CSMD1: variants seen among roughly 807,000 people sequenced by gnomAD.
CSMD1 encodes the protein CUB and Sushi multiple domains 1.
CSMD1 carries 213 observed loss-of-function variants against 417.5 expected under a neutral mutation model. The observed-to-expected ratio is 0.51, with a 90% CI of 0.46 to 0.57. The LOEUF is 0.57. Among genes scored for constraint, CSMD1 ranks in the 20% least tolerant of loss-of-function variants. The pLI, the probability that CSMD1 is intolerant of heterozygous loss-of-function variation, is 0.00. For missense variants in CSMD1, 6,923 were observed against 4,529.7 expected, an observed-to-expected ratio of 1.53 and a Z score of -15.17; for synonymous variants, 2,862 against 1,736.8, an observed-to-expected ratio of 1.65 and a Z score of -16.11.
intron 3 of CSMD1, among the ~76,000 whole-genome samples, chr8:4,269,236 T>G (rs1804417847): frequency 6.6e-6 from 1 of 152,118 alleles, no homozygotes; most frequent in Admixed American, 6.5e-5. Context: ...TTTGTATATT[T>G]AGCAGAGATG....
chr8:4,963,025 T>C (rs925139960), intron 1 of CSMD1, among the ~76,000 whole-genome samples: 3 of 152,124 alleles, frequency 2.0e-5, no homozygotes, highest in Admixed American at 6.5e-5. Context: ...GCCCTGTTTA[T>C]AGCCTCCCAC....
intron 1 of CSMD1, among the ~76,000 whole-genome samples, chr8:4,989,917 A>G (rs554452454): frequency 1.3e-5 from 2 of 152,262 alleles, no homozygotes; most frequent in African/African-American, 4.8e-5. Flanking sequence ...AATAAACTGG[A>G]GAGTAAGGAA....
chr8:3,885,634 C>A (rs1446021521), intron 5 of CSMD1, among the ~76,000 whole-genome samples: 1 of 152,122 alleles, frequency 6.6e-6, no homozygotes, highest in African/African-American at 2.4e-5. Flanking sequence ...TCATTTCTTG[C>A]TTTCTGTTCT....
chr8:2,967,078 G>A (rs1357848801), intron 57 of CSMD1, among the ~76,000 whole-genome samples: 1 of 152,182 alleles, frequency 6.6e-6, no homozygotes. Context: ...TTTGGGGATT[G>A]AATGTTTTTA....
chr8:4,918,915 G>C (rs1806244692), intron 1 of CSMD1, among the ~76,000 whole-genome samples: 2 of 152,212 alleles, frequency 1.3e-5, no homozygotes, highest in East Asian at 1.9e-4. Context: ...AAAAAAAGTA[G>C]TAAAATTCTG....
At chr8:4,242,416 G>C (rs906938053) in intron 3 of CSMD1, among the ~76,000 whole-genome samples, 1 of 152,132 alleles carries the variant, frequency 6.6e-6, no homozygotes, top group Admixed American at 6.5e-5. Flanking sequence ...ATGAGAAAAG[G>C]ATAAAATGTA....
chr8:4,165,920 A>T lies in CSMD1; in HGVS notation c.416-133821T>A, dbSNP rs79407470. 7.3e-3 allele frequency among the ~76,000 whole-genome samples: 1,108 copies of T among 152,330 alleles called. 14 individuals are homozygous for T. The highest frequency in any genetic ancestry group is 0.026 in the African/African-American group (1,071 of 41,558). ...CTAGCACAGTATCAGATATATATAT[A>T]CTGGATAAACTATCATTACTCTTAC... On this transcript the variant is annotated intron_variant, in intron 3 of 69. Transcript: ENST00000635120.
At chr8:3,498,453 T>A (rs902505635) in intron 10 of CSMD1, among the ~76,000 whole-genome samples, 1 of 152,222 alleles carries the variant, frequency 6.6e-6, no homozygotes, top group African/African-American at 2.4e-5. Flanking sequence ...TGACTTTTGA[T>A]AGTTTGATTA....
At chr8:4,207,638 G>A (rs912267258) in intron 3 of CSMD1, among the ~76,000 whole-genome samples, 1 of 151,950 alleles carries the variant, frequency 6.6e-6, no homozygotes, top group Admixed American at 6.6e-5. Context: ...TATGAAGAGG[G>A]GGTTGTTTAT....
intron 64 of CSMD1, among the ~76,000 whole-genome samples, chr8:2,955,150 C>T (rs1413576882): frequency 6.6e-6 from 1 of 152,224 alleles, no homozygotes; most frequent in Non-Finnish European, 1.5e-5. Flanking sequence ...GGTTTTACCA[C>T]AAACAGCATG....
chr8:4,331,881 C>A (rs1799887315), intron 3 of CSMD1, among the ~76,000 whole-genome samples: 1 of 152,058 alleles, frequency 6.6e-6, no homozygotes, highest in South Asian at 2.1e-4. Context: ...TAATACATAG[C>A]TAGAGAGTTT....
intron 1 of CSMD1, among the ~76,000 whole-genome samples, chr8:4,846,037 T>A (rs746739372): frequency 6.6e-6 from 1 of 152,194 alleles, no homozygotes; most frequent in Non-Finnish European, 1.5e-5. Flanking sequence ...TTTTCCAGAA[T>A]GAGCACTTTT....
At chr8:3,142,247 A>G (rs1016243319) in intron 41 of CSMD1, among the ~76,000 whole-genome samples, 2 of 152,186 alleles carry the variant, frequency 1.3e-5, no homozygotes, top group African/African-American at 4.8e-5. Context: ...CTGTCTGGGC[A>G]GCAGAAAAGG....
chr8:3,119,384 TAAAAAAAAAAAAAAA>T lies in CSMD1; in HGVS notation c.6242-812_6242-798del, dbSNP rs34060531. On this transcript the variant is annotated intron_variant, in intron 41 of 69. Transcript: ENST00000635120. Reference sequence around the variant, plus strand: ...CATTGCAGTTTTTTTAGTCTTTTTCTAAAAAAAAAAAAAAAAAAAAAAAAAAAACACTGTATAATC... The same window carrying T: ...CATTGCAGTTTTTTTAGTCTTTTTCTAAAAAAAAAAAAACACTGTATAATC... 6.8e-5 allele frequency among the ~76,000 whole-genome samples: 6 copies of T among 88,276 alleles called. No individual in the cohort carries two copies. In the South Asian group the frequency reaches 1.2e-3, roughly 17 times the overall value. 57.9% of individuals were successfully genotyped at this position (88,276 alleles called of 152,430 possible). A position where few individuals can be genotyped will look rare whatever the true frequency, so the allele number is the denominator to read the frequency against.
At chr8:3,434,945 C>T (rs912877433) in intron 12 of CSMD1, among the ~76,000 whole-genome samples, 1 of 152,164 alleles carries the variant, frequency 6.6e-6, no homozygotes, top group Non-Finnish European at 1.5e-5. Context: ...GCACAGTTCC[C>T]ATGTGCTGTT....
At chr8:3,502,617 T>C (rs1220759805) in intron 10 of CSMD1, among the ~76,000 whole-genome samples, 3 of 152,046 alleles carry the variant, frequency 2.0e-5, no homozygotes, top group Admixed American at 2.0e-4. Context: ...TTTTAGAAGG[T>C]GACGTGTTGC....
At chr8:4,184,051 T>C (rs1798528897) in intron 3 of CSMD1, among the ~76,000 whole-genome samples, 1 of 152,202 alleles carries the variant, frequency 6.6e-6, no homozygotes, top group South Asian at 2.1e-4. Context: ...AATTCTGTTA[T>C]TATCTACCCT....
At chr8:4,461,147 C>T (rs1799792275) in intron 2 of CSMD1, among the ~76,000 whole-genome samples, 1 of 104,636 alleles carries the variant, frequency 9.6e-6, no homozygotes, top group African/African-American at 3.6e-5. Context: ...AAAATAAAGT[C>T]AGCTGATTGT....
At chr8:3,952,241 CT>C (rs1265603654) in intron 5 of CSMD1, among the ~76,000 whole-genome samples, 4 of 152,038 alleles carry the variant, frequency 2.6e-5, no homozygotes, top group African/African-American at 9.7e-5. Context: ...TGGTATGGGC[CT>C]TCCTCACTCT....
Sources: gnomAD v4.1 joint callset for allele counts (sites outside exome capture counted in the v4.1 genomes callset) on GRCh38, gnomAD v4.1.1 for gene constraint, MANE v1.5 for transcripts, NCBI Gene and HGNC (gene_info 2026-07-23, HGNC 2026-07-21) for gene names.